Variants in SPPL2B observed in about 807,000 individuals in gnomAD.
The protein encoded by SPPL2B is signal peptide peptidase like 2B, also known as signal peptide peptidase-like 2B.
SPPL2B carries 39 observed loss-of-function variants against 59.7 expected under a neutral mutation model. That is an observed-to-expected ratio of 0.65 (90% CI 0.51 to 0.85). The LOEUF (loss-of-function observed/expected upper bound fraction) is 0.85, where lower values mean the gene tolerates loss of function less well. SPPL2B is among the 40% of genes least tolerant of loss of function. The pLI, the probability that SPPL2B is intolerant of heterozygous loss-of-function variation, is 0.00. For missense variants in SPPL2B, 865 were observed against 849.0 expected, an observed-to-expected ratio of 1.02 and a Z score of -0.23; for synonymous variants, 419 against 370.8, an observed-to-expected ratio of 1.13 and a Z score of -1.49.
At position 2,332,141 on chromosome 19, in the gene SPPL2B, G is replaced by T. The variant is rs558063619; in HGVS notation, c.67-2461G>T. Among the ~76,000 whole-genome samples, 2 of 152,230 alleles carry T rather than the reference G, an allele frequency of 1.3e-5. No homozygotes were observed. Among genetic ancestry groups the T allele is most frequent in the South Asian group, 4.1e-4 (2 of 4,834 alleles). On this transcript the variant is annotated intron_variant, in intron 1 of 14. Coordinates refer to ENST00000613503, the MANE Select transcript of SPPL2B (RefSeq NM_152988.3). This position sits in a 1 kb window ranked among gnomAD's most constrained non-coding sequence, Gnocchi z 4.6. ...TCACATGGGAGGTGCTTGGAGTGGG[G>T]CTGGGGCAGCTGTGGGAAGGAAGCA...
rs368589592 is a variant in SPPL2B, at chr19:2,334,652, C to G, written c.117C>G (p.Pro39=). 2 of 1,612,892 alleles carry G rather than the reference C, an allele frequency of 1.2e-6. No individual in the cohort carries two copies. Among genetic ancestry groups the G allele is most frequent in the Non-Finnish European group, 1.7e-6 (2 of 1,179,508 alleles). The stretch of plus-strand genomic sequence containing the variant: ...ACGTGGTCTCCCAGGCCGGGGGCCC[C>G]GAAGGCAAAGACTACTGCATCCTCT... ...MVHVVSQAGG[P]EGKDYCILYN... Residue 39 remains proline, a synonymous_variant, in exon 2 of 15, where the codon CCC becomes CCG. Coordinates refer to ENST00000613503, the MANE Select transcript of SPPL2B (RefSeq NM_152988.3).
intron 1 of SPPL2B, chr19:2,330,880 G>GAA (rs923430158): frequency 6.6e-6 from 1 of 152,258 alleles, no homozygotes; most frequent in African/African-American, 2.4e-5. Context: ...AGGGACGTGA[G>GAA]AGAGCAGGTG....
chr19:2,342,696 C>T (rs929488041), intron 8 of SPPL2B: 1 of 159,640 alleles, frequency 6.3e-6, no homozygotes, highest in African/African-American at 2.4e-5. Context: ...TGCCCAAGCC[C>T]TCCTGCGCAC....
intron 9 of SPPL2B, among the ~76,000 whole-genome samples, 170 bp downstream of exon 9, chr19:2,343,462 A>G (rs886748262): frequency 2.0e-5 from 3 of 152,114 alleles, no homozygotes; most frequent in African/African-American, 7.2e-5. Flanking sequence ...TTGGGTCCCA[A>G]AGCCCCCGCT....
chr19:2,336,109 C>T (rs1361542987), intron 2 of SPPL2B, among the ~76,000 whole-genome samples: 2 of 151,966 alleles, frequency 1.3e-5, no homozygotes, highest in Non-Finnish European at 2.9e-5. Flanking sequence ...TGTGCATGGA[C>T]ATGTGTGCCT....
chr19:2,337,382 C>T (rs1206433295), intron 2 of SPPL2B, 61 bp from the exon 3 acceptor site: 4 of 1,469,458 alleles, frequency 2.7e-6, no homozygotes, highest in Non-Finnish European at 3.7e-6. Flanking sequence ...GGAGAACGGG[C>T]AGCTGGGCCC....
At chr19:2,334,751 G>T (rs760625599) in intron 2 of SPPL2B, 30 bp downstream of exon 2, 1 of 1,515,786 alleles carries the variant, frequency 6.6e-7, no homozygotes, top group Admixed American at 2.2e-5. Flanking sequence ...GCGCCGCTGC[G>T]GAGGAGAATG....
Position 2,344,416 on chromosome 19 carries a change from C to G in SPPL2B, c.1168C>G (p.Arg390Gly), listed in dbSNP as rs547389412. Residue 390 changes from arginine to glycine, a missense_variant, in exon 11 of 15, where the codon CGT becomes GGT. Physicochemically the swap from Arg to Gly is moderately radical, Grantham distance 125 (BLOSUM62 -2). Transcript: ENST00000613503. The part of the protein sequence containing the change: ...VATGPSDSAT[R>G]EKLPMVLKVP... Reference sequence around the variant, plus strand: ...CACTGGGCCCTCGGACTCAGCCACCCGTGAGAAGGTGTGTCTTCTGACTGC... The same window carrying G: ...CACTGGGCCCTCGGACTCAGCCACCGGTGAGAAGGTGTGTCTTCTGACTGC... 2 of 1,569,812 alleles carry G rather than the reference C, an allele frequency of 1.3e-6. No individual in the cohort carries two copies. The highest frequency in any genetic ancestry group is 2.4e-5 in the East Asian group (1 of 42,538).
chr19:2,344,102 C>A (rs1426651529), intron 10 of SPPL2B, 63 bp downstream of exon 10: 1 of 1,068,390 alleles, frequency 9.4e-7, no homozygotes, highest in South Asian at 1.4e-5. Flanking sequence ...TCGCAACCCC[C>A]GCCCCATCAC....
chr19:2,344,732 T>C lies in SPPL2B; in HGVS notation c.1276+80T>C. 4.6e-6 allele frequency: 4 copies of C among 874,610 alleles called. No individual in the cohort carries two copies. In the South Asian group the frequency reaches 5.6e-5, roughly 12 times the overall value. 54.2% of individuals were successfully genotyped at this position (874,610 alleles called of 1,614,324 possible). A position where few individuals can be genotyped will look rare whatever the true frequency, so the allele number is the denominator to read the frequency against. On this transcript the variant is annotated intron_variant, in intron 12 of 14. Transcript: ENST00000613503. Reference sequence around the variant, plus strand: ...GCTGAGGTTTGCCTTTGGGAGTGAGTGGCCCGCACACCGTCGGCTGGAGAT... The same window carrying C: ...GCTGAGGTTTGCCTTTGGGAGTGAGCGGCCCGCACACCGTCGGCTGGAGAT...
chr19:2,330,112 C>G (rs1968202176), intron 1 of SPPL2B, among the ~76,000 whole-genome samples: 1 of 79,646 alleles, frequency 1.3e-5, no homozygotes, highest in Non-Finnish European at 3.1e-5. Context: ...CGAAGCAGAT[C>G]TATTTTTTTT....
rs562046624 is a variant in SPPL2B, at chr19:2,339,497, C to T, written c.599+289C>T. On this transcript the variant is annotated intron_variant, in intron 5 of 14. Coordinates refer to ENST00000613503, the MANE Select transcript of SPPL2B (RefSeq NM_152988.3). ...GCAGGTGGCTGGGGCCAGCTACCCTCTTCCTGCTGAGCCGCCTGGGTCTGG... is the reference window on the plus strand; with the variant it reads ...GCAGGTGGCTGGGGCCAGCTACCCTTTTCCTGCTGAGCCGCCTGGGTCTGG... 2.0e-5 allele frequency among the ~76,000 whole-genome samples: 3 copies of T among 152,316 alleles called. No homozygotes were observed. The South Asian group carries it at 6.2e-4, about 32-fold the overall frequency.
At chr19:2,338,532 T>G (rs1394209986) in intron 3 of SPPL2B, 12 of 488,396 alleles carry the variant, frequency 2.5e-5, no homozygotes, top group Non-Finnish European at 3.7e-5. Context: ...CCTGGGGCCC[T>G]GTTGTCAGGT....
chr19:2,330,787 T>G (rs1237755561), intron 1 of SPPL2B: 2 of 152,536 alleles, frequency 1.3e-5, no homozygotes, highest in African/African-American at 4.8e-5. Flanking sequence ...AGGCGCTTGG[T>G]GCTGGGGTGC....
In SPPL2B at chr19:2,339,222, C is replaced by T. The variant is rs571011632; in HGVS notation, c.599+14C>T. 50 of 1,599,544 alleles carry T rather than the reference C, an allele frequency of 3.1e-5. No individual in the cohort carries two copies. In the East Asian group the frequency reaches 9.3e-4, roughly 30 times the overall value. On this transcript the variant is annotated intron_variant, in intron 5 of 14. Coordinates refer to ENST00000613503, the MANE Select transcript of SPPL2B (RefSeq NM_152988.3). Reference sequence around the variant, plus strand: ...GGACGTGAAGAAGTGAGTTTCGCATCGTGCGTGTGCTGTGACGGGGTCGGG... The same window carrying T: ...GGACGTGAAGAAGTGAGTTTCGCATTGTGCGTGTGCTGTGACGGGGTCGGG...
rs760548564 is a variant in SPPL2B at position 2,340,945 on chromosome 19, G to A, written c.887G>A (p.Arg296His). The A allele has an allele frequency of 5.0e-6, 8 of 1,603,384 alleles. No individual in the cohort carries two copies. Among genetic ancestry groups the A allele is most frequent in the East Asian group, 2.2e-5 (1 of 44,860 alleles). ...LPYFHKRPQA[R>H]MLLLALFCVA... The stretch of plus-strand genomic sequence containing the variant: ...TACTTCCACAAGCGCCCGCAGGCCC[G>A]TATGCTGCTCCTGGCGCTCTTCTGC... Residue 296 changes from arginine (R) to histidine (H), a missense_variant, in exon 8 of 15, where the codon CGT becomes CAT. By Grantham distance (29) the Arg-to-His change is conservative. Coordinates refer to ENST00000613503, the MANE Select transcript of SPPL2B (RefSeq NM_152988.3).
chr19:2,343,322 C>T, intron 9 of SPPL2B, 30 bp downstream of exon 9: 1 of 1,529,034 alleles, frequency 6.5e-7, no homozygotes, highest in Middle Eastern at 1.7e-4. Context: ...GGCTGCGGGG[C>T]AGCATGGGTA....
At chr19:2,335,249 A>C (rs1161506635) in intron 2 of SPPL2B, among the ~76,000 whole-genome samples, 1 of 98,310 alleles carries the variant, frequency 1.0e-5, no homozygotes, top group Non-Finnish European at 2.0e-5. Context: ...CTCCTTTCCC[A>C]CTGCATCCTT....
At chr19:2,331,685 T>A (rs1429031182) in intron 1 of SPPL2B, among the ~76,000 whole-genome samples, 2 of 152,214 alleles carry the variant, frequency 1.3e-5, no homozygotes, top group Non-Finnish European at 2.9e-5. Context: ...TTCTATCAGT[T>A]CCCATTTTAC....
Sources: gnomAD v4.1 joint callset for allele counts (sites outside exome capture counted in the v4.1 genomes callset) on GRCh38, gnomAD v4.1.1 for gene constraint, Gnocchi (gnomAD v3.1) non-coding constraint, MANE v1.5 for transcripts, NCBI Gene and HGNC (gene_info 2026-07-23, HGNC 2026-07-21) for gene names.